SMTNL2: variants seen among roughly 807,000 people sequenced by gnomAD.
SMTNL2 encodes the protein smoothelin-like protein 2.
Under a neutral mutation model 44.1 loss-of-function variants are expected in SMTNL2, and 43 were observed. The ratio of observed to expected loss-of-function variants is 0.98; its 90% CI spans 0.76 to 1.26. SMTNL2 has a LOEUF of 1.26. Ranked by LOEUF, SMTNL2 falls within the 50% of genes most tolerant of loss-of-function variation. The probability of loss-of-function intolerance (pLI) is 0.00; values close to 1 mark genes in which losing one functional copy is unlikely to be tolerated. For synonymous variants in SMTNL2, 317 were observed against 287.6 expected (o/e 1.10, Z -1.03); for missense variants, 646 against 670.2 (o/e 0.96, Z 0.40).
Position 4,600,981 on chromosome 17 carries a change from G to A in SMTNL2, c.1259+3658G>A, listed in dbSNP as rs572166478. 6.6e-6 allele frequency among the ~76,000 whole-genome samples: 1 copy of A among 152,324 alleles called. No individual in the cohort carries two copies. Among genetic ancestry groups the A allele is most frequent in the Admixed American group, 6.5e-5 (1 of 15,306 alleles). On this transcript the variant is annotated intron_variant, in intron 7 of 7. Transcript: ENST00000389313. The surrounding 1 kb of genome is among the most constrained non-coding windows in gnomAD (Gnocchi z 4.7). The stretch of plus-strand genomic sequence containing the variant: ...TTAAAAAAATAAAAATAACCCCCAA[G>A]CCCATCCTCCAGCTCCCTTACAGGA...
At chr17:4,596,291 C>T (rs528696769) in intron 5 of SMTNL2, among the ~76,000 whole-genome samples, 2 of 152,332 alleles carry the variant, frequency 1.3e-5, no homozygotes, top group South Asian at 2.1e-4. Context: ...ATAATGAAGA[C>T]GACAGCCAGT....
At chr17:4,589,329 C>T (rs1909468503) in intron 1 of SMTNL2, among the ~76,000 whole-genome samples, 2 of 152,124 alleles carry the variant, frequency 1.3e-5, no homozygotes, top group Admixed American at 1.3e-4. Context: ...CCTGTGGAAC[C>T]TGTCAGACGA....
rs1409633710 is a variant in SMTNL2 at position 4,606,748 on chromosome 17, T to TA, written c.1260-612dup. On this transcript the variant is annotated intron_variant, in intron 7 of 7. Coordinates refer to ENST00000389313, the MANE Select transcript of SMTNL2 (RefSeq NM_001114974.2). ...GGTGAAACCTTGTCTCTACTAAAAA[T>TA]ACAAAAAAAAAATTAGCCAGGCGTG... Among the ~76,000 whole-genome samples, 34 of 150,542 alleles carry TA rather than the reference T, an allele frequency of 2.3e-4. No homozygotes were observed. In the South Asian group the frequency reaches 6.7e-3, roughly 30 times the overall value.
In SMTNL2 at chr17:4,596,970, GCTACCAGGT is replaced by G; in HGVS notation, c.1101_1107+2del. ...GAGTGGTGCCGCAGCAAGACGCTGG[GCTACCAGGT>G]GAGCCCCGGCTCCCCTCCGGCTGCT... On this transcript the variant is annotated splice_donor_variant and coding_sequence_variant, in exon 6 of 8. Coordinates refer to ENST00000389313, the MANE Select transcript of SMTNL2 (RefSeq NM_001114974.2). LOFTEE classifies it high-confidence loss of function. The G allele has an allele frequency of 4.6e-6, 7 of 1,508,956 alleles. No individual in the cohort carries two copies. Among genetic ancestry groups the G allele is most frequent in the Non-Finnish European group, 6.2e-6 (7 of 1,122,296 alleles). 93.5% of individuals were successfully genotyped at this position (1,508,956 alleles called of 1,614,324 possible). A position where few individuals can be genotyped will look rare whatever the true frequency, so the allele number is the denominator to read the frequency against.
At position 4,592,767 on chromosome 17, in the gene SMTNL2, A is replaced by G. The variant is rs1350175943; in HGVS notation, c.488-162A>G. 6.6e-6 allele frequency among the ~76,000 whole-genome samples: 1 copy of G among 152,142 alleles called. No individual in the cohort carries two copies. Among genetic ancestry groups the G allele is most frequent in the African/African-American group, 2.4e-5 (1 of 41,442 alleles). ...AAAATCAATTCTGGTTGGAGCAGTA[A>G]GATATCCCTGGTAGGGGAGGTCAGA... On this transcript the variant is annotated intron_variant, in intron 2 of 7. Transcript: ENST00000389313. The surrounding 1 kb of genome is among the most constrained non-coding windows in gnomAD (Gnocchi z 4.5).
rs988891987 is a variant in SMTNL2, at chr17:4,598,426, T to G, written c.1259+1103T>G. ...AAGCCGAGTCTTCTGGAGGGCGCGT[T>G]TGTTATTCTCTCCCTGCCTTTGTGC... On this transcript the variant is annotated intron_variant, in intron 7 of 7. Transcript: ENST00000389313. The surrounding 1 kb of genome is among the most constrained non-coding windows in gnomAD (Gnocchi z 4.8). Among the ~76,000 whole-genome samples the G allele has an allele frequency of 6.6e-6, 1 of 152,110 alleles. No homozygotes were observed. Among genetic ancestry groups the G allele is most frequent in the African/African-American group, 2.4e-5 (1 of 41,442 alleles).
chr17:4,600,731 C>T lies in SMTNL2; in HGVS notation c.1259+3408C>T, dbSNP rs1026823401. 1.3e-5 allele frequency among the ~76,000 whole-genome samples: 2 copies of T among 152,118 alleles called. No homozygotes were observed. Among genetic ancestry groups the T allele is most frequent in the Non-Finnish European group, 2.9e-5 (2 of 68,008 alleles). On this transcript the variant is annotated intron_variant, in intron 7 of 7. Transcript: ENST00000389313. The surrounding 1 kb of genome is among the most constrained non-coding windows in gnomAD (Gnocchi z 4.7). The stretch of plus-strand genomic sequence containing the variant: ...TATGGAAGGGGCTGAGTCGGGCGGG[C>T]GCCTGACCCTTCTGCACCCGTCCTT...
chr17:4,597,291 GA>G lies in SMTNL2; in HGVS notation c.1229del (p.Lys410ArgfsTer25). Reference protein sequence around the residue: ...YNSLSPTQRQKNFELAFTMAE... With the variant: ...YNSLSPTQRQXNFELAFTMAE... ...ACTCCCTGAGCCCCACGCAGAGGCA[GA>G]AGAACTTCGAGCTGGCTTTCACCAT... On this transcript the variant is annotated frameshift_variant, in exon 7 of 8. Transcript: ENST00000389313. LOFTEE classifies it high-confidence loss of function. 1 of 1,614,100 alleles carries G rather than the reference GA, an allele frequency of 6.2e-7. No homozygotes were observed. Among genetic ancestry groups the G allele is most frequent in the Non-Finnish European group, 8.5e-7 (1 of 1,179,956 alleles).
chr17:4,584,704 G>T lies in SMTNL2; in HGVS notation c.99G>T (p.Glu33Asp). The T allele has an allele frequency of 7.7e-7, 1 of 1,296,454 alleles. No homozygotes were observed. Among genetic ancestry groups the T allele is most frequent in the South Asian group, 2.3e-5 (1 of 43,856 alleles). 80.3% of individuals were successfully genotyped at this position (1,296,454 alleles called of 1,614,324 possible). A position where few individuals can be genotyped will look rare whatever the true frequency, so the allele number is the denominator to read the frequency against. ...ALEGAVRALH[E>D]DMRGLQRGVE... Reference sequence around the variant, plus strand: ...AGGGTGCGGTGCGCGCGCTGCACGAGGACATGCGGGGGCTGCAGCGCGGCG... The same window carrying T: ...AGGGTGCGGTGCGCGCGCTGCACGATGACATGCGGGGGCTGCAGCGCGGCG... The change falls in exon 1 of 8, where the codon GAG becomes GAT. Residue 33 changes from glutamate to aspartate, a missense_variant. Glu to Asp is a conservative substitution (Grantham distance 45). Transcript: ENST00000389313.
intron 7 of SMTNL2, among the ~76,000 whole-genome samples, chr17:4,606,747 A>T (rs1326893838): frequency 6.6e-6 from 1 of 151,854 alleles, no homozygotes; most frequent in African/African-American, 2.4e-5. Context: ...TCTACTAAAA[A>T]TACAAAAAAA....
Position 4,596,966 on chromosome 17 carries a change from C to T in SMTNL2, c.1096C>T (p.Leu366=). The T allele has an allele frequency of 6.6e-7, 1 of 1,514,020 alleles. No individual in the cohort carries two copies. The highest frequency in any genetic ancestry group is 8.9e-7 in the Non-Finnish European group (1 of 1,124,226). 93.8% of individuals were successfully genotyped at this position (1,514,020 alleles called of 1,614,324 possible). A position where few individuals can be genotyped will look rare whatever the true frequency, so the allele number is the denominator to read the frequency against. ...GCTCGAGTGGTGCCGCAGCAAGACG[C>T]TGGGCTACCAGGTGAGCCCCGGCTC... is the stretch of plus-strand genomic sequence containing the variant. The part of the protein sequence containing the change: ...ILLEWCRSKT[L]GYQHVDLQNF... The change falls in exon 6 of 8, where the codon CTG becomes TTG. Residue 366 remains leucine (L), a synonymous_variant. Transcript: ENST00000389313.
rs1910335001 is a variant in SMTNL2 at position 4,607,637 on chromosome 17, C to G, written c.*150C>G. 1 of 1,262,440 alleles carries G rather than the reference C, an allele frequency of 7.9e-7. No homozygotes were observed. Among genetic ancestry groups the G allele is most frequent in the African/African-American group, 1.5e-5 (1 of 67,016 alleles). 78.2% of individuals were successfully genotyped at this position (1,262,440 alleles called of 1,614,324 possible). ...GCATGTGACGGCACTCCCCTTCGAG[C>G]CCAGCTGTGTTACTGATTAAAAGTA... is the stretch of plus-strand genomic sequence containing the variant. On this transcript the variant is annotated 3_prime_UTR_variant, in exon 8 of 8. Coordinates refer to ENST00000389313, the MANE Select transcript of SMTNL2 (RefSeq NM_001114974.2). The surrounding 1 kb of genome is among the most constrained non-coding windows in gnomAD (Gnocchi z 4.7).
intron 4 of SMTNL2, among the ~76,000 whole-genome samples, chr17:4,594,867 C>T (rs1199320024): frequency 1.3e-5 from 2 of 152,142 alleles, no homozygotes; most frequent in Non-Finnish European, 2.9e-5. Flanking sequence ...GGAGGGGGTC[C>T]CTCTGTCCTC....
At chr17:4,597,146 C>T (rs1426821384) in intron 6 of SMTNL2, 26 bp from the exon 7 acceptor site, 3 of 1,608,932 alleles carry the variant, frequency 1.9e-6, no homozygotes, top group Non-Finnish European at 2.5e-6. Flanking sequence ...TGCCCTCCCG[C>T]ACTGACCCCA....
At chr17:4,594,072 G>A (rs1480486907) in intron 4 of SMTNL2, among the ~76,000 whole-genome samples, 175 bp downstream of exon 4, 1 of 152,130 alleles carries the variant, frequency 6.6e-6, no homozygotes, top group East Asian at 1.9e-4. Flanking sequence ...GGGGAGTGAG[G>A]CAGTGGGCCT....
chr17:4,587,050 C>A (rs141589964), intron 1 of SMTNL2, among the ~76,000 whole-genome samples: 1 of 152,284 alleles, frequency 6.6e-6, no homozygotes, highest in African/African-American at 2.4e-5. Flanking sequence ...GAATTAAAAA[C>A]CAGACCGGGG....
chr17:4,585,146 C>T, intron 1 of SMTNL2, 142 bp downstream of exon 1: 1 of 1,054,808 alleles, frequency 9.5e-7, no homozygotes, highest in Non-Finnish European at 1.2e-6. Context: ...TGATGGGGGT[C>T]CTGCCGCCCC....
chr17:4,585,024 T>G lies in SMTNL2; in HGVS notation c.399+20T>G, dbSNP rs1378749911. ...GGCCAGGTGAGCCCGGGGGAGCGCG[T>G]GCGCTGGCGCCAGGGAGTGGGGCTC... On this transcript the variant is annotated intron_variant, in intron 1 of 7. Transcript: ENST00000389313. 1 of 1,307,500 alleles carries G rather than the reference T, an allele frequency of 7.6e-7. No individual in the cohort carries two copies. Among genetic ancestry groups the G allele is most frequent in the Non-Finnish European group, 9.7e-7 (1 of 1,031,408 alleles). The allele number at this position is 1,307,500 out of a possible 1,614,324, so 81.0% of individuals were successfully genotyped here.
chr17:4,593,796 T>A (rs755047991), intron 3 of SMTNL2, 26 bp from the exon 4 acceptor site: 9 of 1,611,322 alleles, frequency 5.6e-6, no homozygotes, highest in South Asian at 1.1e-5. Flanking sequence ...CAGGGTTTGT[T>A]ACTTCTCTCC....
Sources: gnomAD v4.1 joint callset for allele counts (sites outside exome capture counted in the v4.1 genomes callset) on GRCh38, gnomAD v4.1.1 for gene constraint, Gnocchi (gnomAD v3.1) non-coding constraint, MANE v1.5 for transcripts, NCBI Gene and HGNC (gene_info 2026-07-23, HGNC 2026-07-21) for gene names.